Variants in MICALL2 observed in about 807,000 individuals in gnomAD.
MICALL2 encodes MICAL like 2, also known as MICAL-like protein 2.
In MICALL2, 111 loss-of-function variants were observed where a neutral mutation model predicts 91.1. The ratio of observed to expected loss-of-function variants is 1.22; its 90% CI spans 1.04 to 1.43. MICALL2 has a LOEUF of 1.43. MICALL2 is among the 40% of genes most tolerant of loss of function. MICALL2 has a pLI of 0.00. For synonymous variants in MICALL2, 694 were observed against 525.3 expected (o/e 1.32, Z -4.39); for missense variants, 1,556 against 1,236.0 (o/e 1.26, Z -3.88).
At position 1,459,267 on chromosome 7, in the gene MICALL2, G is replaced by C. The variant is rs553252367; in HGVS notation, c.60C>G (p.Asp20Glu). The C allele has an allele frequency of 2.0e-5, 32 of 1,609,586 alleles. No homozygotes were observed. In the East Asian group the frequency reaches 6.5e-4, roughly 33 times the overall value. The change falls in exon 1 of 17, where the codon GAC becomes GAG. Residue 20 changes from aspartate to glutamate, a missense_variant. Physicochemically the swap from Asp to Glu is conservative, Grantham distance 45 (BLOSUM62 2). Transcript: ENST00000297508. ...ACGTGGTCATGTTGCAGATATTCACGTCGCGGTAGCCCTCGCACTGCTGCC... is the reference window on the plus strand; with the variant it reads ...ACGTGGTCATGTTGCAGATATTCACCTCGCGGTAGCCCTCGCACTGCTGCC... ...WCRQQCEGYR[D>E]VNICNMTTSF...
At position 1,452,361 on chromosome 7, in the gene MICALL2, G is replaced by A. The variant is rs1780865911; in HGVS notation, c.144-2073C>T. Among the ~76,000 whole-genome samples the A allele has an allele frequency of 3.3e-5, 5 of 151,932 alleles. No homozygotes were observed. In the South Asian group the frequency reaches 1.0e-3, roughly 32 times the overall value. ...CACGTGGGTGGCTGTCTATGCCCAG[G>A]GACTCTGCAGCCATGCTGGGCGTCA... On this transcript the variant is annotated intron_variant, in intron 1 of 16. Transcript: ENST00000297508. This position sits in a 1 kb window ranked among gnomAD's most constrained non-coding sequence, Gnocchi z 6.2.
In MICALL2 at chr7:1,437,876, G is replaced by A. The variant is rs533037759; in HGVS notation, c.2402+14C>T. The stretch of plus-strand genomic sequence containing the variant: ...TCCTGGCCTTCGAGGAGGGGCCCAC[G>A]GCTGGGCTCTCACTTGTACATCAGC... On this transcript the variant is annotated intron_variant, in intron 13 of 16. Coordinates refer to ENST00000297508, the MANE Select transcript of MICALL2 (RefSeq NM_182924.4). 9.2e-5 allele frequency: 142 copies of A among 1,547,710 alleles called. No individual in the cohort carries two copies. The South Asian group carries it at 9.3e-4, about 10-fold the overall frequency.
chr7:1,458,657 G>C (rs1449951320), intron 1 of MICALL2, among the ~76,000 whole-genome samples: 1 of 152,218 alleles, frequency 6.6e-6, no homozygotes, highest in Non-Finnish European at 1.5e-5. Context: ...TCCATCTCGG[G>C]CCCTATCACC....
At chr7:1,438,745 G>A (rs1780111141) in intron 10 of MICALL2, 95 bp downstream of exon 10, 6 of 1,511,304 alleles carry the variant, frequency 4.0e-6, no homozygotes, top group Non-Finnish European at 4.4e-6. Flanking sequence ...TAGGTCCTGT[G>A]AATGCATCCT....
intron 6 of MICALL2, among the ~76,000 whole-genome samples, chr7:1,443,332 G>A (rs540798487): frequency 1.3e-5 from 2 of 152,104 alleles, no homozygotes; most frequent in Admixed American, 6.5e-5. Context: ...CACCCCGGAG[G>A]CTCTGAGCAC....
Position 1,451,711 on chromosome 7 carries a change from C to T in MICALL2, c.144-1423G>A, listed in dbSNP as rs1404730745. Among the ~76,000 whole-genome samples the T allele has an allele frequency of 2.6e-5, 4 of 152,234 alleles. No individual in the cohort carries two copies. The highest frequency in any genetic ancestry group is 9.6e-5 in the African/African-American group (4 of 41,460). On this transcript the variant is annotated intron_variant, in intron 1 of 16. Transcript: ENST00000297508. The surrounding 1 kb of genome is among the most constrained non-coding windows in gnomAD (Gnocchi z 4.5). ...GCCTCGGTCTCAGGGCCTCAGTCTC[C>T]CTGTCTGGGAGGACAACCGCAGCTC...
intron 4 of MICALL2, 21 bp from the exon 5 acceptor site, chr7:1,446,849 T>C (rs1309416418): frequency 6.6e-7 from 1 of 1,515,802 alleles, no homozygotes; most frequent in African/African-American, 1.4e-5. Context: ...TGCCAGCACC[T>C]CTCTGAGCAG....
In MICALL2 at chr7:1,445,250, G is replaced by A. The variant is rs1388313020; in HGVS notation, c.820C>T (p.Gln274Ter). The stretch of plus-strand genomic sequence containing the variant: ...GCCTTGTTTGCCTCCTGGGCCTTCT[G>A]TGGGGAACAGGAGGTCCTGGAATCC... The part of the protein sequence containing the change: ...GVDSRTSCSP[Q>*]KAQEANKARP... The change falls in exon 6 of 17, where the codon CAG (glutamine) becomes TAG (stop). Residue 274 changes from glutamine to a stop codon, truncating the protein, a stop_gained. Coordinates refer to ENST00000297508, the MANE Select transcript of MICALL2 (RefSeq NM_182924.4). LOFTEE classifies it high-confidence loss of function. 6.2e-7 allele frequency: 1 copy of A among 1,612,270 alleles called. No individual in the cohort carries two copies. The highest frequency in any genetic ancestry group is 8.5e-7 in the Non-Finnish European group (1 of 1,179,814).
At chr7:1,436,425 C>T (rs1050506359) in intron 15 of MICALL2, among the ~76,000 whole-genome samples, 4 of 148,406 alleles carry the variant, frequency 2.7e-5, no homozygotes, top group African/African-American at 5.1e-5. Context: ...TGGTAGTGTG[C>T]GCCTGTAATC....
At chr7:1,437,837 A>G in intron 13 of MICALL2, 53 bp downstream of exon 13, 1 of 1,498,818 alleles carries the variant, frequency 6.7e-7, no homozygotes, top group Non-Finnish European at 9.1e-7. Flanking sequence ...TGGCCTGCCC[A>G]GCCCGCAACG....
chr7:1,438,212 G>A lies in MICALL2; in HGVS notation c.2196C>T (p.Pro732=), dbSNP rs61731571. ...ETVTSPVRLH[P]DYLSPEEIQR... Reference sequence around the variant, plus strand: ...GTATCTCCTCCGGGGAGAGGTAGTCGGGGTGCAGCTGGGAACGGAGGGGCG... The same window carrying A: ...GTATCTCCTCCGGGGAGAGGTAGTCAGGGTGCAGCTGGGAACGGAGGGGCG... Residue 732 remains proline, a synonymous_variant, in exon 12 of 17, where the codon CCC becomes CCT. Transcript: ENST00000297508. 4.5e-5 allele frequency: 72 copies of A among 1,586,032 alleles called. 1 individual carries two copies. The South Asian group carries it at 5.0e-4, about 11-fold the overall frequency.
intron 9 of MICALL2, 57 bp from the exon 10 acceptor site, chr7:1,439,052 G>C (rs1780131928): frequency 7.1e-7 from 1 of 1,406,960 alleles, no homozygotes; most frequent in Non-Finnish European, 9.7e-7. Context: ...TGGGAGCCTG[G>C]GGTCTGTCCC....
intron 1 of MICALL2, among the ~76,000 whole-genome samples, chr7:1,453,850 C>T (rs1373643286): frequency 6.6e-6 from 1 of 152,224 alleles, no homozygotes; most frequent in Admixed American, 6.5e-5. Context: ...GCGTGTGATG[C>T]ATTTGTTCTG....
chr7:1,437,716 G>A (rs1271325107), intron 13 of MICALL2, 108 bp from the exon 14 acceptor site: 6 of 1,321,960 alleles, frequency 4.5e-6, no homozygotes, highest in Non-Finnish European at 6.3e-6. Context: ...ACGAGTCTGA[G>A]GCCTGACTCG....
At chr7:1,438,601 A>C (rs970593234) in intron 10 of MICALL2, 115 of 1,419,726 alleles carry the variant, frequency 8.1e-5, no homozygotes, top group Non-Finnish European at 7.2e-5. Context: ...CCAGTCCCTC[A>C]AGCTGCCAGA....
chr7:1,438,560 C>A lies in MICALL2; in HGVS notation c.2123-207G>T, dbSNP rs758927633. 115 of 1,425,996 alleles carry A rather than the reference C, an allele frequency of 8.1e-5. No homozygotes were observed. In the East Asian group the frequency reaches 2.4e-3, roughly 30 times the overall value. 88.3% of individuals were successfully genotyped at this position (1,425,996 alleles called of 1,614,324 possible). ...GGCCCAGCCCCACCCTGCACCCTGC[C>A]CTCCTCCAGGTCAGCAACACCCCAG... On this transcript the variant is annotated intron_variant, in intron 10 of 16. Transcript: ENST00000297508.
At chr7:1,458,026 C>T (rs1251977932) in intron 1 of MICALL2, among the ~76,000 whole-genome samples, 2 of 152,268 alleles carry the variant, frequency 1.3e-5, no homozygotes, top group African/African-American at 2.4e-5. Flanking sequence ...ACGTTCCTGG[C>T]GAGGGAGAGC....
rs1490111077 is a variant in MICALL2, at chr7:1,439,749, C to T, written c.1966+176G>A. ...CATGAACACATGCACACATGCATCA[C>T]ACACATGCACACATGTACACACAAG... On this transcript the variant is annotated intron_variant, in intron 9 of 16. Coordinates refer to ENST00000297508, the MANE Select transcript of MICALL2 (RefSeq NM_182924.4). The T allele has an allele frequency of 2.3e-5, 11 of 471,554 alleles. 1 individual carries two copies. The highest frequency in any genetic ancestry group is 2.2e-4 in the South Asian group (4 of 18,354). The allele number at this position is 471,554 out of a possible 1,614,324, so 29.2% of individuals were successfully genotyped here.
rs750846000 is a variant in MICALL2, at chr7:1,434,602, G to C, written c.2709C>G (p.Ser903=). ...IWSPKSKSSP[S]Q is the part of the protein sequence containing the mutation. ...CCCACGGCCCTACTGGCTACTACTGGGAGGGGCTGCTTTTGCTTTTTGGTG... is the reference window on the plus strand; with the variant it reads ...CCCACGGCCCTACTGGCTACTACTGCGAGGGGCTGCTTTTGCTTTTTGGTG... Residue 903 remains serine (S), a synonymous_variant, in exon 17 of 17, where the codon TCC becomes TCG. Coordinates refer to ENST00000297508, the MANE Select transcript of MICALL2 (RefSeq NM_182924.4). The C allele has an allele frequency of 5.6e-6, 9 of 1,596,458 alleles. No homozygotes were observed. The highest frequency in any genetic ancestry group is 7.7e-6 in the Non-Finnish European group (9 of 1,174,590).
Sources: gnomAD v4.1 joint callset for allele counts (sites outside exome capture counted in the v4.1 genomes callset) on GRCh38, gnomAD v4.1.1 for gene constraint, Gnocchi (gnomAD v3.1) non-coding constraint, MANE v1.5 for transcripts, NCBI Gene and HGNC (gene_info 2026-07-23, HGNC 2026-07-21) for gene names.